NRXN3: variants seen among roughly 807,000 people sequenced by gnomAD.
NRXN3 encodes the protein neurexin III.
NRXN3 carries 32 observed loss-of-function variants against 137.6 expected under a neutral mutation model. That is an observed-to-expected ratio of 0.23 (90% confidence interval 0.18 to 0.31). NRXN3 has a LOEUF of 0.31. NRXN3 is among the 10% of genes least tolerant of loss of function. NRXN3 has a pLI of 1.00. For missense variants in NRXN3, 1,574 were observed against 2,062.5 expected (o/e 0.76, Z 4.59); for synonymous variants, 798 against 784.5 (o/e 1.02, Z -0.29).
intron 4 of NRXN3, among the ~76,000 whole-genome samples, chr14:78,485,184 A>T (rs1239799147): frequency 6.6e-6 from 1 of 152,206 alleles, no homozygotes; most frequent in Non-Finnish European, 1.5e-5. Flanking sequence ...AAATAGAATA[A>T]CTTCACATCT....
intron 4 of NRXN3, among the ~76,000 whole-genome samples, chr14:78,422,285 A>T (rs1053171495): frequency 6.6e-6 from 1 of 151,920 alleles, no homozygotes; most frequent in African/African-American, 2.4e-5. Flanking sequence ...ACACTTCAGA[A>T]CTCTTATCAT....
At chr14:78,866,602 A>G in intron 10 of NRXN3, among the ~76,000 whole-genome samples, 1 of 152,090 alleles carries the variant, frequency 6.6e-6, no homozygotes, top group East Asian at 1.9e-4. Flanking sequence ...AGAAGCTCAT[A>G]AAAAATTCTT....
At chr14:78,593,232 C>T (rs558743721) in intron 4 of NRXN3, among the ~76,000 whole-genome samples, 2 of 152,300 alleles carry the variant, frequency 1.3e-5, no homozygotes, top group South Asian at 2.1e-4. Context: ...TGTCCTCTAT[C>T]CACCCCCTCT....
chr14:78,418,652 G>A (rs1730877652), intron 4 of NRXN3, among the ~76,000 whole-genome samples: 1 of 152,146 alleles, frequency 6.6e-6, no homozygotes, highest in Admixed American at 6.5e-5. Flanking sequence ...TTGGTCTTTA[G>A]AAACAAGCAT....
intron 15 of NRXN3, among the ~76,000 whole-genome samples, chr14:79,307,993 A>G (rs765700066): frequency 6.6e-6 from 1 of 152,050 alleles, no homozygotes; most frequent in Admixed American, 6.6e-5. Context: ...TTTGGTTTAT[A>G]AATGGTGATC....
chr14:78,913,590 T>C (rs1162393473), intron 10 of NRXN3, among the ~76,000 whole-genome samples: 2 of 152,096 alleles, frequency 1.3e-5, no homozygotes, highest in Non-Finnish European at 2.9e-5. Flanking sequence ...CTCTAAGATA[T>C]TAACAGCCTT....
At chr14:79,737,595 C>T (rs1193890492) in intron 19 of NRXN3, among the ~76,000 whole-genome samples, 2 of 152,166 alleles carry the variant, frequency 1.3e-5, no homozygotes, top group East Asian at 1.9e-4. Flanking sequence ...GCCACTTTTT[C>T]GTCAGATTGC....
At chr14:79,514,483 G>C (rs1488026195) in intron 16 of NRXN3, among the ~76,000 whole-genome samples, 1 of 152,128 alleles carries the variant, frequency 6.6e-6, no homozygotes, top group Non-Finnish European at 1.5e-5. Context: ...CTCTACAGCA[G>C]ATGCTTCCTC....
chr14:78,361,174 T>C (rs2085056252), intron 4 of NRXN3, among the ~76,000 whole-genome samples: 1 of 152,208 alleles, frequency 6.6e-6, no homozygotes, highest in Admixed American at 6.5e-5. Context: ...CACTGGGCTG[T>C]TACAAAAAAT....
intron 1 of NRXN3, among the ~76,000 whole-genome samples, chr14:78,174,499 G>A (rs1205517509): frequency 2.0e-5 from 3 of 152,158 alleles, no homozygotes; most frequent in Admixed American, 1.3e-4. Flanking sequence ...CTTTGTGTTG[G>A]TTTACGGGTG....
At chr14:78,232,684 C>T (rs200471697) in intron 1 of NRXN3, among the ~76,000 whole-genome samples, 1 of 152,294 alleles carries the variant, frequency 6.6e-6, no homozygotes, top group African/African-American at 2.4e-5. Flanking sequence ...TCTTCCCTAT[C>T]CCCTCATGTA....
At chr14:78,981,507 G>A (rs185946721) in intron 14 of NRXN3, among the ~76,000 whole-genome samples, 47 of 152,268 alleles carry the variant, frequency 3.1e-4, no homozygotes, top group Non-Finnish European at 4.7e-4. Flanking sequence ...TGAAGTCTTT[G>A]CCTTTTGATT....
At chr14:78,634,353 A>T (rs954428614) in intron 4 of NRXN3, among the ~76,000 whole-genome samples, 9 of 152,338 alleles carry the variant, frequency 5.9e-5, no homozygotes, top group South Asian at 2.1e-4. Flanking sequence ...TTTCAATTCA[A>T]TTCCACAGGT....
At chr14:79,194,372 G>A (rs2064852437) in intron 15 of NRXN3, among the ~76,000 whole-genome samples, 1 of 152,190 alleles carries the variant, frequency 6.6e-6, no homozygotes, top group African/African-American at 2.4e-5. Flanking sequence ...CTGACTGTTT[G>A]TTTTGGGAAC....
At chr14:78,640,541 A>G (rs2097614015) in intron 4 of NRXN3, among the ~76,000 whole-genome samples, 1 of 152,228 alleles carries the variant, frequency 6.6e-6, no homozygotes, top group Non-Finnish European at 1.5e-5. Context: ...GGAATTTCTC[A>G]GAGAAATAGA....
chr14:79,188,779 T>C (rs1239276653), intron 15 of NRXN3, among the ~76,000 whole-genome samples: 2 of 152,232 alleles, frequency 1.3e-5, no homozygotes, highest in East Asian at 3.9e-4. Flanking sequence ...AAAAAACACA[T>C]GAAAAAGTGC....
chr14:79,486,651 T>A (rs761170625), intron 16 of NRXN3, among the ~76,000 whole-genome samples: 6 of 152,204 alleles, frequency 3.9e-5, no homozygotes, highest in Non-Finnish European at 7.4e-5. Context: ...GTGACTTACC[T>A]ACCTATGGTT....
chr14:79,298,405 ATGGC>A (rs2084563530), intron 15 of NRXN3, among the ~76,000 whole-genome samples: 1 of 152,094 alleles, frequency 6.6e-6, no homozygotes, highest in Non-Finnish European at 1.5e-5. Context: ...GTGTGGCTCC[ATGGC>A]TTCTAGCTAC....
chr14:78,737,221 T>C lies in NRXN3; in HGVS notation c.2044+22082T>C, dbSNP rs898224795. 4.6e-5 allele frequency among the ~76,000 whole-genome samples: 7 copies of C among 152,154 alleles called. No individual in the cohort carries two copies. The South Asian group carries it at 1.4e-3, about 32-fold the overall frequency. ...GACACATACAAACAAATAGGAATGG[T>C]CCAGCCTTCTAATTCCTCTGCTCGG... On this transcript the variant is annotated intron_variant, in intron 8 of 20. Coordinates refer to ENST00000335750, the MANE Select transcript of NRXN3 (RefSeq NM_001330195.2).
Sources: gnomAD v4.1 joint callset for allele counts (sites outside exome capture counted in the v4.1 genomes callset) on GRCh38, gnomAD v4.1.1 for gene constraint, MANE v1.5 for transcripts, NCBI Gene and HGNC (gene_info 2026-07-23, HGNC 2026-07-21) for gene names.